EDIL3: variants seen among roughly 807,000 people sequenced by gnomAD.
EDIL3 encodes the protein EGF-like repeat and discoidin I-like domain-containing protein 3.
In EDIL3, 37 loss-of-function variants were observed where a neutral mutation model predicts 67.4. The ratio of observed to expected loss-of-function variants is 0.55; its 90% CI spans 0.42 to 0.72. The LOEUF (loss-of-function observed/expected upper bound fraction) is 0.72. EDIL3 is among the 30% of genes least tolerant of loss of function. The pLI, the probability that EDIL3 is intolerant of heterozygous loss-of-function variation, is 0.00. For synonymous variants in EDIL3, 195 were observed against 196.3 expected (o/e 0.99, Z 0.05); for missense variants, 527 against 586.3 (o/e 0.90, Z 1.04).
intron 2 of EDIL3, among the ~76,000 whole-genome samples, chr5:84,249,377 TTCTATCTA>T (rs72278901): frequency 0.19 from 27,579 of 144,082 alleles, 2,707 homozygotes; most frequent in Non-Finnish European, 0.21. Context: ...CAACATATCT[TTCTATCTA>T]TCTATCTATC....
chr5:83,945,012 A>G (rs191892896), intron 10 of EDIL3, among the ~76,000 whole-genome samples: 13 of 152,072 alleles, frequency 8.5e-5, no homozygotes, highest in African/African-American at 2.2e-4. Context: ...TACGGCCACA[A>G]ATGTTCTCCT....
chr5:84,359,798 T>A (rs1044152605), intron 1 of EDIL3, among the ~76,000 whole-genome samples: 1 of 152,160 alleles, frequency 6.6e-6, no homozygotes, highest in African/African-American at 2.4e-5. Context: ...GAATAGGAAC[T>A]GCAGCACAGT....
chr5:84,141,110 GA>G (rs1396336441), intron 4 of EDIL3, among the ~76,000 whole-genome samples: 1 of 151,826 alleles, frequency 6.6e-6, no homozygotes, highest in African/African-American at 2.4e-5. Flanking sequence ...ATCATTGCCA[GA>G]AAAAAGTCCA....
In EDIL3 at chr5:84,151,479, G is replaced by C. The variant is rs113813255; in HGVS notation, c.356-14125C>G. On this transcript the variant is annotated intron_variant, in intron 4 of 10. Coordinates refer to ENST00000296591, the MANE Select transcript of EDIL3 (RefSeq NM_005711.5). Reference sequence around the variant, plus strand: ...GTAGTTTAATAAAACATAGTAATAGGAGGAGCTGTATTCATAAAGATGAGA... The same window carrying C: ...GTAGTTTAATAAAACATAGTAATAGCAGGAGCTGTATTCATAAAGATGAGA... Among the ~76,000 whole-genome samples, 1,076 of 152,232 alleles carry C rather than the reference G, an allele frequency of 7.1e-3. 17 individuals carry two copies. Among genetic ancestry groups the C allele is most frequent in the East Asian group, 0.037 (193 of 5,182 alleles).
intron 1 of EDIL3, among the ~76,000 whole-genome samples, chr5:84,309,330 G>T (rs1580069290): frequency 3.3e-5 from 4 of 120,290 alleles, no homozygotes; most frequent in Admixed American, 8.1e-5. Flanking sequence ...TTTTTTTTTG[G>T]CGATTTCTTT....
intron 6 of EDIL3, among the ~76,000 whole-genome samples, chr5:84,096,204 G>T (rs1747260296): frequency 6.6e-6 from 1 of 152,166 alleles, no homozygotes; most frequent in African/African-American, 2.4e-5. Flanking sequence ...GTGGAGCTGT[G>T]AGAAGAGGGC....
chr5:84,326,569 G>T, intron 1 of EDIL3, among the ~76,000 whole-genome samples: 1 of 151,520 alleles, frequency 6.6e-6, no homozygotes. Context: ...ACAATAAAAA[G>T]TTTTGAAAAA....
At chr5:84,011,765 T>G (rs1745520791) in intron 9 of EDIL3, among the ~76,000 whole-genome samples, 1 of 152,258 alleles carries the variant, frequency 6.6e-6, no homozygotes, top group African/African-American at 2.4e-5. Flanking sequence ...TCCCCAAAAC[T>G]TATATTGTGT....
chr5:84,173,482 C>A (rs899814911), intron 4 of EDIL3, among the ~76,000 whole-genome samples: 3 of 152,122 alleles, frequency 2.0e-5, no homozygotes, highest in Non-Finnish European at 4.4e-5. Flanking sequence ...GACTGCCCCC[C>A]TCTCCCGCCC....
intron 6 of EDIL3, among the ~76,000 whole-genome samples, 180 bp from the exon 7 acceptor site, chr5:84,066,786 C>T (rs921885960): frequency 6.6e-6 from 1 of 152,144 alleles, no homozygotes; most frequent in Non-Finnish European, 1.5e-5. Context: ...AAATCCCTTT[C>T]TGTAATGGAA....
intron 1 of EDIL3, among the ~76,000 whole-genome samples, chr5:84,382,846 C>G (rs1441890063): frequency 1.3e-5 from 2 of 152,042 alleles, no homozygotes; most frequent in Non-Finnish European, 2.9e-5. Flanking sequence ...TACACACACG[C>G]CTACACGCTG....
At chr5:84,362,904 G>T (rs1747641138) in intron 1 of EDIL3, among the ~76,000 whole-genome samples, 1 of 152,068 alleles carries the variant, frequency 6.6e-6, no homozygotes, top group Admixed American at 6.6e-5. Context: ...GATGATCTAT[G>T]TCACTTCCCA....
At chr5:84,334,059 A>C (rs1746933639) in intron 1 of EDIL3, among the ~76,000 whole-genome samples, 1 of 141,808 alleles carries the variant, frequency 7.1e-6, no homozygotes, top group Non-Finnish European at 1.5e-5. Context: ...GGCCATGTGG[A>C]AGAGTTGATT....
At chr5:84,321,087 T>C (rs1461909082) in intron 1 of EDIL3, among the ~76,000 whole-genome samples, 1 of 152,204 alleles carries the variant, frequency 6.6e-6, no homozygotes, top group Admixed American at 6.5e-5. Context: ...ATTCATAAAA[T>C]GAAATCATAG....
Position 84,106,747 on chromosome 5 carries a change from C to CA in EDIL3, c.552dup (p.Gly185TrpfsTer13). 1.9e-6 allele frequency: 3 copies of CA among 1,613,224 alleles called. No individual in the cohort carries two copies. The highest frequency in any genetic ancestry group is 2.5e-6 in the Non-Finnish European group (3 of 1,179,538). On this transcript the variant is annotated frameshift_variant, in exon 6 of 11. Transcript: ENST00000296591. LOFTEE classifies it high-confidence loss of function. ...TAGTAGGGATACCATTTTTGGAGTCCAAAAAGAGCTCGGTGAGTAGAGGAA... is the reference window on the plus strand; with the variant it reads ...TAGTAGGGATACCATTTTTGGAGTCCAAAAAAGAGCTCGGTGAGTAGAGGAA...
At chr5:84,315,214 A>T (rs1746486535) in intron 1 of EDIL3, among the ~76,000 whole-genome samples, 1 of 152,210 alleles carries the variant, frequency 6.6e-6, no homozygotes, top group Non-Finnish European at 1.5e-5. Flanking sequence ...TGCTTAGCTT[A>T]TGTATAAATG....
chr5:84,340,966 G>A (rs994701684), intron 1 of EDIL3, among the ~76,000 whole-genome samples: 4 of 151,904 alleles, frequency 2.6e-5, no homozygotes, highest in Non-Finnish European at 5.9e-5. Context: ...TCCCTGTTAA[G>A]TGAACTCTTT....
intron 6 of EDIL3, among the ~76,000 whole-genome samples, chr5:84,090,065 C>T (rs1474923101): frequency 2.6e-5 from 4 of 151,960 alleles, no homozygotes; most frequent in African/African-American, 4.8e-5. Context: ...TTTTCACAAC[C>T]CTTTTACTAT....
intron 1 of EDIL3, among the ~76,000 whole-genome samples, chr5:84,291,706 GTAGATCTATCTATATATCTATA>G (rs1480864227): frequency 2.9e-5 from 4 of 138,902 alleles, no homozygotes; most frequent in African/African-American, 7.9e-5. Context: ...ATCTATCTAT[GTAGATCTATCTATATATCTATA>G]TAGATCTATC....
Sources: allele counts gnomAD v4.1 joint callset (sites outside exome capture counted in the v4.1 genomes callset), GRCh38; gene constraint gnomAD v4.1.1; transcripts MANE v1.5; gene names NCBI Gene and HGNC (gene_info 2026-07-23, HGNC 2026-07-21).